Variants in CHODL observed in about 807,000 individuals in gnomAD.
CHODL encodes chondrolectin, also known as transmembrane protein MT75.
CHODL carries 29 observed loss-of-function variants against 34.5 expected under a neutral mutation model. The observed-to-expected ratio is 0.84, with a 90% CI of 0.63 to 1.15. The LOEUF (loss-of-function observed/expected upper bound fraction) is 1.15. CHODL is among the 50% of genes most tolerant of loss of function. CHODL has a pLI of 0.00. For missense variants in CHODL, 332 were observed against 332.5 expected, an observed-to-expected ratio of 1.00 and a Z score of 0.01; for synonymous variants, 125 against 116.1, an observed-to-expected ratio of 1.08 and a Z score of -0.49.
chr21:18,254,404 A>G (rs1410501457), intron 1 of CHODL, among the ~76,000 whole-genome samples: 1 of 152,162 alleles, frequency 6.6e-6, no homozygotes, highest in Non-Finnish European at 1.5e-5. Flanking sequence ...ATAGGGCAAG[A>G]CTCAGAAAGT....
chr21:18,198,545 T>A (rs1220807507), intron 2 of CHODL, among the ~76,000 whole-genome samples: 1 of 152,170 alleles, frequency 6.6e-6, no homozygotes, highest in African/African-American at 2.4e-5. Flanking sequence ...GGATAATTTG[T>A]CTCTATACAA....
At chr21:18,132,449 T>C (rs1212102427) in intron 2 of CHODL, among the ~76,000 whole-genome samples, 1 of 152,198 alleles carries the variant, frequency 6.6e-6, no homozygotes, top group Admixed American at 6.5e-5. Flanking sequence ...CTCAGCCTGA[T>C]AAAAGTGAGT....
Position 18,266,192 on chromosome 21 carries a change from G to T in CHODL, c.*154G>T. On this transcript the variant is annotated 3_prime_UTR_variant, in exon 6 of 6. Transcript: ENST00000299295. ...GCAAATATTAAAGTAATTTTTATAT[G>T]TCTATTATTTCATTTAAAGAATATG... The T allele has an allele frequency of 6.5e-7, 1 of 1,542,554 alleles. No individual in the cohort carries two copies. The highest frequency in any genetic ancestry group is 8.8e-7 in the Non-Finnish European group (1 of 1,142,528).
At chr21:18,189,991 A>G (rs769182011) in intron 2 of CHODL, among the ~76,000 whole-genome samples, 6 of 152,204 alleles carry the variant, frequency 3.9e-5, no homozygotes, top group Admixed American at 2.0e-4. Context: ...TCATTCCAAT[A>G]ATAATTTTTT....
chr21:18,041,098 A>G (rs774729736), intron 2 of CHODL, among the ~76,000 whole-genome samples: 1 of 151,962 alleles, frequency 6.6e-6, no homozygotes, highest in African/African-American at 2.4e-5. Context: ...TAAAAATTAT[A>G]TGATGATTTC....
rs78575371 is a variant in CHODL, at chr21:18,256,375, T to C, written c.80-134T>C. The C allele has an allele frequency of 0.011, 9,882 of 907,522 alleles. 693 individuals carry two copies. In the African/African-American group the frequency reaches 0.15, roughly 14 times the overall value. 56.2% of individuals were successfully genotyped at this position (907,522 alleles called of 1,614,324 possible). ...GCAATAGGCTAGAAAATAAACTTTA[T>C]GAAATAATTCAGTGGGAGAAGCATT... is the stretch of plus-strand genomic sequence containing the variant. On this transcript the variant is annotated intron_variant, in intron 1 of 5. Transcript: ENST00000299295.
chr21:18,028,563 G>C (rs1344675928), intron 2 of CHODL, among the ~76,000 whole-genome samples: 1 of 151,672 alleles, frequency 6.6e-6, no homozygotes, highest in Non-Finnish European at 1.5e-5. Flanking sequence ...GCTGGGCGTG[G>C]TGGCAGGTGC....
At chr21:18,256,061 C>G (rs571850240) in intron 1 of CHODL, among the ~76,000 whole-genome samples, 13 of 152,226 alleles carry the variant, frequency 8.5e-5, no homozygotes, top group African/African-American at 2.9e-4. Context: ...AAATCTGCCA[C>G]TTTGTATCTT....
chr21:17,978,135 A>T (rs1199386128), intron 1 of CHODL, among the ~76,000 whole-genome samples: 1 of 152,024 alleles, frequency 6.6e-6, no homozygotes, highest in Non-Finnish European at 1.5e-5. Flanking sequence ...AGCCAAAAAA[A>T]CACGTCGGCC....
chr21:18,073,640 A>G (rs1176170829), intron 2 of CHODL, among the ~76,000 whole-genome samples: 1 of 152,110 alleles, frequency 6.6e-6, no homozygotes, highest in Non-Finnish European at 1.5e-5. Flanking sequence ...TAAAAAGTGC[A>G]ATATTCACAT....
chr21:18,092,272 A>G (rs2065083113), intron 2 of CHODL, among the ~76,000 whole-genome samples: 1 of 152,214 alleles, frequency 6.6e-6, no homozygotes, highest in South Asian at 2.1e-4. Context: ...CCAAGGTGGT[A>G]CCTCTGTGAA....
intron 2 of CHODL, among the ~76,000 whole-genome samples, chr21:18,085,858 CTG>C (rs1218368255): frequency 1.3e-5 from 2 of 151,988 alleles, no homozygotes; most frequent in Non-Finnish European, 2.9e-5. Context: ...ATATATTTGA[CTG>C]GGGATTGGTG....
intron 1 of CHODL, among the ~76,000 whole-genome samples, chr21:18,024,003 T>C (rs1472909806): frequency 1.3e-5 from 2 of 152,216 alleles, no homozygotes; most frequent in East Asian, 3.9e-4. Context: ...TGACTTACAC[T>C]GTTTTTACAA....
At chr21:18,105,869 A>G (rs942771823) in intron 2 of CHODL, among the ~76,000 whole-genome samples, 6 of 152,176 alleles carry the variant, frequency 3.9e-5, no homozygotes, top group East Asian at 1.9e-4. Flanking sequence ...GGTGATTCCA[A>G]TAATCCTGGA....
chr21:17,951,337 A>G (rs1216597343), intron 1 of CHODL, among the ~76,000 whole-genome samples: 1 of 152,180 alleles, frequency 6.6e-6, no homozygotes, highest in East Asian at 1.9e-4. Flanking sequence ...GATTCTGTTC[A>G]ACTGTGTCTT....
chr21:18,209,831 G>T (rs1006100352), intron 2 of CHODL, among the ~76,000 whole-genome samples: 7 of 152,080 alleles, frequency 4.6e-5, no homozygotes, highest in Non-Finnish European at 7.4e-5. Flanking sequence ...CAGGAGCTAG[G>T]ACCTGGAATG....
intron 1 of CHODL, among the ~76,000 whole-genome samples, chr21:17,958,129 T>G (rs1475377682): frequency 3.9e-5 from 6 of 152,166 alleles, no homozygotes; most frequent in Admixed American, 6.5e-5. Context: ...TGTCATTGTT[T>G]CCTTGGTCAA....
chr21:18,139,466 G>C (rs945503387), intron 2 of CHODL, among the ~76,000 whole-genome samples: 1 of 138,720 alleles, frequency 7.2e-6, no homozygotes, highest in Admixed American at 6.8e-5. Context: ...ATTGAAATTC[G>C]AGGCATGAAA....
chr21:18,141,407 G>A (rs2051356), intron 2 of CHODL, among the ~76,000 whole-genome samples: 20,954 of 152,030 alleles, frequency 0.14, 1,811 homozygotes, highest in South Asian at 0.22. Context: ...TCCACACACT[G>A]GAGTGAAATG....
Sources: allele counts gnomAD v4.1 joint callset (sites outside exome capture counted in the v4.1 genomes callset), GRCh38; gene constraint gnomAD v4.1.1; transcripts MANE v1.5; gene names NCBI Gene and HGNC (gene_info 2026-07-23, HGNC 2026-07-21).